EBF2: variants seen among roughly 807,000 people sequenced by gnomAD.
The protein encoded by EBF2 is transcription factor COE2.
EBF2 carries 21 observed loss-of-function variants against 72.8 expected under a neutral mutation model. The observed-to-expected ratio is 0.29, with a 90% CI of 0.20 to 0.42. EBF2 has a LOEUF of 0.42. EBF2 is among the 10% of genes least tolerant of loss of function. The pLI is 1.00. For missense variants in EBF2, 637 were observed against 731.2 expected, an observed-to-expected ratio of 0.87 and a Z score of 1.49; for synonymous variants, 299 against 274.2, an observed-to-expected ratio of 1.09 and a Z score of -0.89.
chr8:25,890,777 T>C (rs535638200), intron 7 of EBF2, among the ~76,000 whole-genome samples: 1 of 152,338 alleles, frequency 6.6e-6, no homozygotes, highest in East Asian at 1.9e-4. Context: ...TTTGGATTTT[T>C]CAGATTAGGG....
chr8:26,025,254 A>G (rs1805284174), intron 6 of EBF2, among the ~76,000 whole-genome samples: 1 of 152,126 alleles, frequency 6.6e-6, no homozygotes, highest in Non-Finnish European at 1.5e-5. Flanking sequence ...CCATCCATTG[A>G]CCTAGTCTTC....
intron 10 of EBF2, among the ~76,000 whole-genome samples, chr8:25,866,635 ATTTTT>A (rs869254548): frequency 3.9e-5 from 3 of 77,140 alleles, no homozygotes; most frequent in Admixed American, 1.3e-4. Context: ...ATATATATAT[ATTTTT>A]TTTTTTTTTG....
intron 6 of EBF2, among the ~76,000 whole-genome samples, chr8:25,930,407 T>A (rs1803460160): frequency 6.6e-6 from 1 of 152,232 alleles, no homozygotes; most frequent in African/African-American, 2.4e-5. Context: ...TCTATAAGAA[T>A]ATCTACCTAT....
At chr8:25,857,936 A>G in intron 14 of EBF2, 1 of 360,552 alleles carries the variant, frequency 2.8e-6, no homozygotes, top group Middle Eastern at 8.0e-4. Flanking sequence ...TGTCTATAAC[A>G]TGAAGAAAAA....
At chr8:26,000,460 T>C (rs555508932) in intron 6 of EBF2, among the ~76,000 whole-genome samples, 5 of 152,320 alleles carry the variant, frequency 3.3e-5, no homozygotes, top group Middle Eastern at 3.4e-3. Flanking sequence ...TGAGGCCATA[T>C]TGTATGAGAA....
At chr8:25,876,963 A>G (rs1368468225) in intron 10 of EBF2, among the ~76,000 whole-genome samples, 1 of 152,210 alleles carries the variant, frequency 6.6e-6, no homozygotes, top group African/African-American at 2.4e-5. Flanking sequence ...ATTCTGTCTT[A>G]TGATAGAACT....
chr8:25,865,741 C>A (rs1214311408), intron 10 of EBF2, among the ~76,000 whole-genome samples: 2 of 146,676 alleles, frequency 1.4e-5, no homozygotes, highest in Non-Finnish European at 3.0e-5. Flanking sequence ...AAGATCTTAA[C>A]CAGGCCAGGC....
At chr8:25,887,082 T>C (rs1802702218) in intron 9 of EBF2, among the ~76,000 whole-genome samples, 1 of 151,548 alleles carries the variant, frequency 6.6e-6, no homozygotes. Context: ...TGTCTGTCTC[T>C]GTCTGTCTGT....
chr8:25,906,022 G>A (rs758360177), intron 7 of EBF2, among the ~76,000 whole-genome samples: 12 of 152,124 alleles, frequency 7.9e-5, no homozygotes, highest in Non-Finnish European at 1.3e-4. Flanking sequence ...TTTATTCTAT[G>A]CCAATGAAAA....
chr8:25,846,280 A>G (rs894173114), intron 15 of EBF2, among the ~76,000 whole-genome samples: 14 of 152,082 alleles, frequency 9.2e-5, no homozygotes, highest in African/African-American at 3.4e-4. Context: ...AATCAGACAC[A>G]TAGTGTGTAA....
Position 25,933,275 on chromosome 8 carries a change from G to C in EBF2, c.552-24720C>G, listed in dbSNP as rs75872408. On this transcript the variant is annotated intron_variant, in intron 6 of 15. Transcript: ENST00000520164. The stretch of plus-strand genomic sequence containing the variant: ...GCTGGACTCTGAACCATCTATCAGC[G>C]CTGAGCTGTTGATGGTATTTTTCAG... Among the ~76,000 whole-genome samples, 530 of 152,312 alleles carry C rather than the reference G, an allele frequency of 3.5e-3. 17 individuals are homozygous for C. In the East Asian group the frequency reaches 0.08, roughly 23 times the overall value.
chr8:26,004,673 CAAAAA>C (rs56848916), intron 6 of EBF2, among the ~76,000 whole-genome samples: 498 of 45,448 alleles, frequency 0.011, 3 homozygotes, highest in African/African-American at 0.047. Context: ...AGACTGTCTC[CAAAAA>C]AAAAAAAAAA....
chr8:25,868,722 C>T (rs866676156), intron 10 of EBF2, among the ~76,000 whole-genome samples: 6 of 152,254 alleles, frequency 3.9e-5, no homozygotes, highest in East Asian at 3.9e-4. Context: ...GCAATCCGCC[C>T]GCCTTAGCCT....
chr8:25,969,347 G>C (rs1163872882), intron 6 of EBF2, among the ~76,000 whole-genome samples: 1 of 152,244 alleles, frequency 6.6e-6, no homozygotes, highest in Non-Finnish European at 1.5e-5. Context: ...CTGAGAGCTA[G>C]AAAGGGAAGC....
intron 6 of EBF2, among the ~76,000 whole-genome samples, chr8:25,942,922 T>C (rs552107891): frequency 6.6e-6 from 1 of 152,216 alleles, no homozygotes; most frequent in East Asian, 1.9e-4. Context: ...CACTGATGAG[T>C]GCGTGGTGCA....
chr8:25,973,142 G>GT (rs943148397), intron 6 of EBF2, among the ~76,000 whole-genome samples: 3 of 152,054 alleles, frequency 2.0e-5, no homozygotes, highest in African/African-American at 4.8e-5. Flanking sequence ...CCTGCAAAGT[G>GT]TTTTTTATTT....
At chr8:26,001,818 G>A (rs374032754) in intron 6 of EBF2, among the ~76,000 whole-genome samples, 1 of 152,062 alleles carries the variant, frequency 6.6e-6, no homozygotes, top group South Asian at 2.1e-4. Flanking sequence ...CAAAGTGCTA[G>A]GATTACAGGT....
intron 6 of EBF2, among the ~76,000 whole-genome samples, chr8:26,030,545 T>C (rs1247640184): frequency 6.6e-6 from 1 of 151,892 alleles, no homozygotes; most frequent in East Asian, 1.9e-4. Flanking sequence ...CTGCACGTTG[T>C]GCACATGTAC....
chr8:25,861,444 G>T, intron 11 of EBF2, 70 bp from the exon 12 acceptor site: 1 of 1,571,124 alleles, frequency 6.4e-7, no homozygotes, highest in Non-Finnish European at 8.7e-7. Context: ...GAAAATTATA[G>T]GCAAAAATGA....
Sources: gnomAD v4.1 joint callset for allele counts (sites outside exome capture counted in the v4.1 genomes callset) on GRCh38, gnomAD v4.1.1 for gene constraint, MANE v1.5 for transcripts, NCBI Gene and HGNC (gene_info 2026-07-23, HGNC 2026-07-21) for gene names.